The following GALNTL6 variants were observed in gnomAD, a reference collection of about 807,000 sequenced individuals.
The protein encoded by GALNTL6 is polypeptide N-acetylgalactosaminyltransferase like 6.
GALNTL6 carries 46 observed loss-of-function variants against 73.7 expected under a neutral mutation model. That is an observed-to-expected ratio of 0.62 (90% CI 0.49 to 0.80). The LOEUF (loss-of-function observed/expected upper bound fraction) is 0.80. Ranked by LOEUF, GALNTL6 falls within the 30% of genes least tolerant of loss-of-function variation. The probability of loss-of-function intolerance (pLI) is 0.00; values close to 1 mark genes in which losing one functional copy is unlikely to be tolerated. For missense variants in GALNTL6, 604 were observed against 755.0 expected, an observed-to-expected ratio of 0.80 and a Z score of 2.34; for synonymous variants, 259 against 263.7, an observed-to-expected ratio of 0.98 and a Z score of 0.17.
At chr4:172,218,293 C>T (rs185105994) in intron 2 of GALNTL6, among the ~76,000 whole-genome samples, 80 of 152,158 alleles carry the variant, frequency 5.3e-4, no homozygotes, top group African/African-American at 1.9e-3. Flanking sequence ...GACAGTAGGC[C>T]TTAGGCCTTT....
intron 2 of GALNTL6, among the ~76,000 whole-genome samples, chr4:172,218,315 C>A (rs1043107412): frequency 7.2e-5 from 11 of 152,030 alleles, no homozygotes; most frequent in Non-Finnish European, 1.2e-4. Context: ...TTATGGAGAA[C>A]CCTCTAGGCA....
intron 2 of GALNTL6, among the ~76,000 whole-genome samples, chr4:171,820,467 A>G (rs1360327888): frequency 1.3e-5 from 2 of 152,250 alleles, no homozygotes; most frequent in Non-Finnish European, 2.9e-5. Flanking sequence ...ACATATACCC[A>G]TATCCGTAGT....
chr4:172,638,404 G>T (rs949880360), intron 5 of GALNTL6, among the ~76,000 whole-genome samples: 9 of 152,048 alleles, frequency 5.9e-5, no homozygotes, highest in Non-Finnish European at 1.2e-4. Flanking sequence ...AAGGAAGTGG[G>T]GTGGGGCAGG....
intron 5 of GALNTL6, among the ~76,000 whole-genome samples, chr4:172,465,595 GGAATCCTGGCAT>G (rs1732784158): frequency 2.0e-5 from 3 of 152,096 alleles, no homozygotes; most frequent in Admixed American, 2.0e-4. Flanking sequence ...AAATGAGGTA[GGAATCCTGGCAT>G]GAATATGAAG....
chr4:171,889,967 A>T (rs1248946650), intron 2 of GALNTL6, among the ~76,000 whole-genome samples: 5 of 152,182 alleles, frequency 3.3e-5, no homozygotes, highest in African/African-American at 1.2e-4. Context: ...CAGCTAGCAT[A>T]TAGTACCCAA....
At chr4:172,293,812 A>G (rs1420971848) in intron 3 of GALNTL6, among the ~76,000 whole-genome samples, 1 of 151,544 alleles carries the variant, frequency 6.6e-6, no homozygotes, top group African/African-American at 2.4e-5. Flanking sequence ...TAGTAATCAC[A>G]GCATAATACA....
At chr4:172,827,034 T>A (rs891379599) in intron 7 of GALNTL6, among the ~76,000 whole-genome samples, 1 of 152,154 alleles carries the variant, frequency 6.6e-6, no homozygotes, top group East Asian at 1.9e-4. Context: ...TAGTTTCAGA[T>A]TGGATGCAGC....
intron 8 of GALNTL6, among the ~76,000 whole-genome samples, chr4:172,925,615 G>A (rs903980326): frequency 6.6e-6 from 1 of 152,214 alleles, no homozygotes; most frequent in African/African-American, 2.4e-5. Flanking sequence ...GATAAGCTGA[G>A]AATGGTCCCC....
chr4:172,417,306 C>T (rs558099119), intron 5 of GALNTL6, among the ~76,000 whole-genome samples: 13 of 152,202 alleles, frequency 8.5e-5, no homozygotes, highest in African/African-American at 3.1e-4. Context: ...GGCCCTCATT[C>T]TCCAAGGGAA....
chr4:172,341,698 C>T (rs1741573101), intron 4 of GALNTL6, among the ~76,000 whole-genome samples: 1 of 152,078 alleles, frequency 6.6e-6, no homozygotes, highest in African/African-American at 2.4e-5. Flanking sequence ...CTCCTTTTGC[C>T]TGCTGCCATC....
intron 2 of GALNTL6, among the ~76,000 whole-genome samples, chr4:172,209,366 T>G (rs1343307161): frequency 3.3e-5 from 5 of 151,848 alleles, no homozygotes; most frequent in Non-Finnish European, 7.4e-5. Flanking sequence ...AATCTATGTA[T>G]TATAACCTAA....
chr4:172,714,039 A>AAACC (rs1415824529), intron 5 of GALNTL6, among the ~76,000 whole-genome samples: 1 of 152,186 alleles, frequency 6.6e-6, no homozygotes, highest in Non-Finnish European at 1.5e-5. Context: ...CAACATGGTG[A>AAACC]AACCCTGTCT....
chr4:172,541,807 T>C (rs2110875290), intron 5 of GALNTL6, among the ~76,000 whole-genome samples: 1 of 152,230 alleles, frequency 6.6e-6, no homozygotes, highest in South Asian at 2.1e-4. Flanking sequence ...GAATGCTCCT[T>C]GAAGGTCATA....
At chr4:172,226,876 TC>T (rs1168596358) in intron 2 of GALNTL6, among the ~76,000 whole-genome samples, 1 of 152,190 alleles carries the variant, frequency 6.6e-6, no homozygotes, top group Non-Finnish European at 1.5e-5. Context: ...TCTAAATGCT[TC>T]TTTTTAAAAA....
chr4:172,692,473 GA>G (rs548145239), intron 5 of GALNTL6, among the ~76,000 whole-genome samples: 386 of 152,130 alleles, frequency 2.5e-3, no homozygotes, highest in Non-Finnish European at 4.7e-3. Flanking sequence ...GTATTCATTT[GA>G]AAGCACCTTT....
At chr4:173,032,442 C>T (rs1337460537) in intron 12 of GALNTL6, among the ~76,000 whole-genome samples, 4 of 149,778 alleles carry the variant, frequency 2.7e-5, no homozygotes, top group African/African-American at 9.9e-5. Context: ...CAGAGCGAGA[C>T]TCCGTCTCAA....
At chr4:172,324,680 A>C (rs1028114093) in intron 4 of GALNTL6, among the ~76,000 whole-genome samples, 1 of 151,198 alleles carries the variant, frequency 6.6e-6, no homozygotes, top group African/African-American at 2.4e-5. Context: ...AACATATGCC[A>C]GTACATAAAC....
intron 2 of GALNTL6, among the ~76,000 whole-genome samples, chr4:171,905,916 G>C (rs1442883748): frequency 6.7e-6 from 1 of 150,318 alleles, no homozygotes; most frequent in Non-Finnish European, 1.5e-5. Context: ...TGAAATGAAG[G>C]CAGAAATAAA....
At chr4:172,167,708 C>A (rs1486423657) in intron 2 of GALNTL6, among the ~76,000 whole-genome samples, 1 of 151,824 alleles carries the variant, frequency 6.6e-6, no homozygotes, top group Non-Finnish European at 1.5e-5. Flanking sequence ...CCTGTAATCC[C>A]AGCACTTTGG....
Sources: allele counts gnomAD v4.1 joint callset (sites outside exome capture counted in the v4.1 genomes callset), GRCh38; gene constraint gnomAD v4.1.1; transcripts MANE v1.5; gene names NCBI Gene and HGNC (gene_info 2026-07-23, HGNC 2026-07-21).